Variants in ZNF83 observed in about 807,000 individuals in gnomAD.
ZNF83 encodes zinc finger protein 83, also known as zinc finger protein 816B.
For synonymous variants in ZNF83, 209 were observed against 213.0 expected (o/e 0.98, Z 0.17); for missense variants, 552 against 629.9 (o/e 0.88, Z 1.32).
intron 1 of ZNF83, among the ~76,000 whole-genome samples, chr19:52,676,042 G>GCTCTCC (rs376784848): frequency 2.0e-5 from 3 of 152,136 alleles, no homozygotes; most frequent in East Asian, 1.9e-4. Flanking sequence ...TACAGCTCTC[G>GCTCTCC]CTCTCCCTCT....
intron 2 of ZNF83, among the ~76,000 whole-genome samples, chr19:52,616,518 T>C (rs573535878): frequency 6.6e-6 from 1 of 152,260 alleles, no homozygotes; most frequent in African/African-American, 2.4e-5. Context: ...ATGTGGCACA[T>C]ATACTGCATG....
At chr19:52,643,419 C>T (rs1437557892) in intron 3 of ZNF83, among the ~76,000 whole-genome samples, 1 of 150,848 alleles carries the variant, frequency 6.6e-6, no homozygotes, top group Admixed American at 6.6e-5. Flanking sequence ...TCCTGAGCAA[C>T]TGTCGGGCAT....
At chr19:52,669,842 C>G (rs1021125525) in intron 1 of ZNF83, among the ~76,000 whole-genome samples, 1 of 152,166 alleles carries the variant, frequency 6.6e-6, no homozygotes, top group African/African-American at 2.4e-5. Flanking sequence ...TTACTAAAAT[C>G]TCCCTTAACT....
At chr19:52,672,836 A>G (rs2061744328) in intron 1 of ZNF83, among the ~76,000 whole-genome samples, 1 of 152,110 alleles carries the variant, frequency 6.6e-6, no homozygotes, top group East Asian at 1.9e-4. Flanking sequence ...CTGACCTTCC[A>G]AAGTGCTGGG....
chr19:52,686,509 AAAAAAG>A (rs1568587330), intron 1 of ZNF83, among the ~76,000 whole-genome samples: 3 of 151,188 alleles, frequency 2.0e-5, no homozygotes, highest in East Asian at 1.9e-4. Flanking sequence ...GAAAGAAAAA[AAAAAAG>A]AAATCTATTA....
At chr19:52,642,481 T>C (rs1446405000), upstream of ZNF83, among the ~76,000 whole-genome samples, 4 of 151,882 alleles carry the variant, frequency 2.6e-5, no homozygotes, top group Admixed American at 1.3e-4. Flanking sequence ...TCGGTCAGGC[T>C]GGTCTCGAAC....
intron 2 of ZNF83, among the ~76,000 whole-genome samples, chr19:52,629,782 C>T (rs1308042963): frequency 2.6e-5 from 4 of 152,086 alleles, no homozygotes; most frequent in South Asian, 2.1e-4. Flanking sequence ...GTCAAAAGGC[C>T]GTCTTATTCT....
intron 1 of ZNF83, among the ~76,000 whole-genome samples, chr19:52,665,877 T>A (rs1333644212): frequency 6.6e-6 from 1 of 152,034 alleles, no homozygotes; most frequent in Non-Finnish European, 1.5e-5. Flanking sequence ...GTAAATTGCC[T>A]TGGCCATGTG....
intron 2 of ZNF83, among the ~76,000 whole-genome samples, chr19:52,620,880 T>TC (rs1459403026): frequency 1.3e-5 from 2 of 152,066 alleles, no homozygotes; most frequent in African/African-American, 4.8e-5. Context: ...GGACAATGAG[T>TC]CCTATGACCT....
At chr19:52,675,958 G>A (rs1447197205) in intron 1 of ZNF83, among the ~76,000 whole-genome samples, 2 of 152,116 alleles carry the variant, frequency 1.3e-5, no homozygotes, top group African/African-American at 2.4e-5. Context: ...TTGGGAGGCC[G>A]ATGCAGGCAG....
chr19:52,664,006 TC>T (rs1421292394), intron 1 of ZNF83, among the ~76,000 whole-genome samples: 1 of 152,138 alleles, frequency 6.6e-6, no homozygotes, highest in African/African-American at 2.4e-5. Flanking sequence ...CCTGCCTGTC[TC>T]CCCAGTAGCT....
At position 52,676,703 on chromosome 19, in the gene ZNF83, A is replaced by G. The variant is rs1020123216; in HGVS notation, c.-283+13740T>C. On this transcript the variant is annotated intron_variant, in intron 1 of 5. Transcript: ENST00000594682. Reference sequence around the variant, plus strand: ...ATAGAAAGCGGGGAAAGGTGGGGAAAAGATTGAGAAATCGGATGGTTGCCG... The same window carrying G: ...ATAGAAAGCGGGGAAAGGTGGGGAAGAGATTGAGAAATCGGATGGTTGCCG... 3.3e-3 allele frequency among the ~76,000 whole-genome samples: 451 copies of G among 136,798 alleles called. 8 individuals are homozygous for G. The highest frequency in any genetic ancestry group is 0.026 in the Middle Eastern group (7 of 272). The allele number at this position is 136,798 out of a possible 152,430, so 89.7% of individuals were successfully genotyped here.
At chr19:52,673,812 C>T (rs958921858) in intron 1 of ZNF83, among the ~76,000 whole-genome samples, 3 of 151,268 alleles carry the variant, frequency 2.0e-5, no homozygotes, top group East Asian at 2.0e-4. Context: ...GTCAAAAGTT[C>T]GAGACCAGCC....
At chr19:52,663,710 A>G (rs1840308129) in intron 1 of ZNF83, among the ~76,000 whole-genome samples, 1 of 152,246 alleles carries the variant, frequency 6.6e-6, no homozygotes, top group African/African-American at 2.4e-5. Context: ...GCAGTGCTCA[A>G]TCTAAACTGA....
intron 1 of ZNF83, among the ~76,000 whole-genome samples, chr19:52,664,844 C>G (rs114177169): frequency 6.6e-6 from 1 of 151,752 alleles, no homozygotes; most frequent in Non-Finnish European, 1.5e-5. Flanking sequence ...TCTCACTCTC[C>G]GTGTTTCTGT....
intron 3 of ZNF83, chr19:52,653,323 T>G: frequency 7.6e-7 from 1 of 1,310,706 alleles, no homozygotes; most frequent in Non-Finnish European, 1.1e-6. Context: ...GTAAGGTTTC[T>G]CTCCAGTATG....
At chr19:52,615,594 C>G (rs1486164820) in intron 2 of ZNF83, among the ~76,000 whole-genome samples, 20 of 151,914 alleles carry the variant, frequency 1.3e-4, no homozygotes. Context: ...CAAAAATTAG[C>G]AAAACTCCAT....
chr19:52,628,897 C>T (rs1002473626), intron 2 of ZNF83, among the ~76,000 whole-genome samples: 20 of 151,832 alleles, frequency 1.3e-4, no homozygotes, highest in Non-Finnish European at 1.5e-5. Context: ...GTGCCCCAAT[C>T]CCTTATTTCC....
At chr19:52,625,875 C>T (rs376747828) in intron 2 of ZNF83, among the ~76,000 whole-genome samples, 1 of 152,276 alleles carries the variant, frequency 6.6e-6, no homozygotes, top group Non-Finnish European at 1.5e-5. Flanking sequence ...TGATGGCTGC[C>T]GCCCTAGCTG....
Sources: gnomAD v4.1 joint callset for allele counts (sites outside exome capture counted in the v4.1 genomes callset) on GRCh38, gnomAD v4.1.1 for gene constraint, MANE v1.5 for transcripts, NCBI Gene and HGNC (gene_info 2026-07-23, HGNC 2026-07-21) for gene names.